IL19: variants seen among roughly 807,000 people sequenced by gnomAD.
The protein encoded by IL19 is interleukin-19.
Under a neutral mutation model 19.5 loss-of-function variants are expected in IL19, and 15 were observed. That is an observed-to-expected ratio of 0.77 (90% CI 0.52 to 1.19). The LOEUF (loss-of-function observed/expected upper bound fraction) is 1.19, where lower values mean the gene tolerates loss of function less well. IL19 is among the 50% of genes most tolerant of loss of function. The pLI is 0.00. For missense variants in IL19, 199 were observed against 213.1 expected (o/e 0.93, Z 0.41); for synonymous variants, 78 against 78.3 (o/e 1.00, Z 0.02).
intron 2 of IL19, among the ~76,000 whole-genome samples, chr1:206,834,967 A>G (rs916749946): frequency 2.6e-5 from 4 of 152,180 alleles, no homozygotes; most frequent in Non-Finnish European, 5.9e-5. Flanking sequence ...AGCCTACTTC[A>G]TAGGGTGGTT....
intron 1 of IL19, among the ~76,000 whole-genome samples, chr1:206,779,707 TG>T (rs2102446866): frequency 6.6e-6 from 1 of 152,314 alleles, no homozygotes; most frequent in East Asian, 1.9e-4. Context: ...CATATTCTAA[TG>T]TTTTCTATAA....
At position 206,772,256 on chromosome 1, in the gene IL19, A is replaced by G. The variant is rs373813224; in HGVS notation, c.-149+1178A>G. 9.9e-6 allele frequency: 16 copies of G among 1,611,634 alleles called. No homozygotes were observed. In the African/African-American group the frequency reaches 1.9e-4, roughly 19 times the overall value. ...TCCCAGGAAGAGAGAAAGGACAGGA[A>G]GGAATCATACTCACAAAGAAAGTCT... On this transcript the variant is annotated intron_variant, in intron 1 of 6. Transcript: ENST00000659997.
chr1:206,786,711 T>G (rs1323883706), intron 1 of IL19, among the ~76,000 whole-genome samples: 1 of 152,126 alleles, frequency 6.6e-6, no homozygotes, highest in African/African-American at 2.4e-5. Context: ...GGTGCGGGCC[T>G]GTGGAAATGG....
intron 2 of IL19, among the ~76,000 whole-genome samples, chr1:206,803,322 C>A (rs989180600): frequency 4.6e-5 from 7 of 151,984 alleles, no homozygotes; most frequent in Non-Finnish European, 1.0e-4. Context: ...CCTGGAGGCC[C>A]TGTGTAGGAG....
chr1:206,781,951 A>C, intron 1 of IL19, among the ~76,000 whole-genome samples: 1 of 85,560 alleles, frequency 1.2e-5, no homozygotes, highest in Non-Finnish European at 2.4e-5. Flanking sequence ...ATATAGTTAT[A>C]TATACATATA....
chr1:206,819,230 T>C (rs767632433), intron 2 of IL19, among the ~76,000 whole-genome samples: 32 of 152,198 alleles, frequency 2.1e-4, no homozygotes, highest in Non-Finnish European at 4.4e-4. Context: ...TAACCCACAC[T>C]GTTCAATATA....
At chr1:206,792,063 T>C (rs1675420758) in intron 1 of IL19, among the ~76,000 whole-genome samples, 1 of 152,232 alleles carries the variant, frequency 6.6e-6, no homozygotes, top group African/African-American at 2.4e-5. Flanking sequence ...TGCCCACTTC[T>C]CTGGAATTGC....
Position 206,798,879 on chromosome 1 carries a change from T to C in IL19, c.-130T>C. 1 of 1,586,738 alleles carries C rather than the reference T, an allele frequency of 6.3e-7. No individual in the cohort carries two copies. Among genetic ancestry groups the C allele is most frequent in the Non-Finnish European group, 8.6e-7 (1 of 1,157,236 alleles). ...TCCATAGAGCGGTGCTTGCACACAC[T>C]GACAGGAGTCCAAGAATGTGCACTG... On this transcript the variant is annotated 5_prime_UTR_variant, in exon 2 of 7. Transcript: ENST00000659997.
At chr1:206,821,553 C>T (rs892592045) in intron 2 of IL19, among the ~76,000 whole-genome samples, 3 of 152,222 alleles carry the variant, frequency 2.0e-5, no homozygotes, top group African/African-American at 7.2e-5. Flanking sequence ...TGGGAGGAAT[C>T]CTCTGGAAGA....
chr1:206,801,516 C>T (rs1325594547), intron 2 of IL19, among the ~76,000 whole-genome samples: 1 of 152,228 alleles, frequency 6.6e-6, no homozygotes, highest in Non-Finnish European at 1.5e-5. Context: ...TATCTCAGAC[C>T]TCTATGGCTC....
Position 206,842,859 on chromosome 1 carries a change from C to T in IL19, c.*237C>T. On this transcript the variant is annotated 3_prime_UTR_variant, in exon 7 of 7. Coordinates refer to ENST00000659997, the MANE Select transcript of IL19 (RefSeq NM_153758.5). ...AGGCCATCCTGGGAGTAAAGGGCTG[C>T]CTTCCCATCTAATTTATTGTAAAGT... 2.3e-6 allele frequency: 1 copy of T among 430,324 alleles called. No individual in the cohort carries two copies. Among genetic ancestry groups the T allele is most frequent in the Non-Finnish European group, 4.2e-6 (1 of 238,504 alleles). 26.7% of individuals were successfully genotyped at this position (430,324 alleles called of 1,614,324 possible). A position where few individuals can be genotyped will look rare whatever the true frequency, so the allele number is the denominator to read the frequency against.
At chr1:206,812,947 G>A (rs11119622) in intron 2 of IL19, among the ~76,000 whole-genome samples, 45,485 of 152,012 alleles carry the variant, frequency 0.3, 7,024 homozygotes, top group East Asian at 0.41. Context: ...TAATTCAAAC[G>A]GATACAATGA....
intron 1 of IL19, among the ~76,000 whole-genome samples, chr1:206,789,204 G>A (rs974872601): frequency 6.6e-6 from 1 of 152,228 alleles, no homozygotes; most frequent in Non-Finnish European, 1.5e-5. Context: ...TTATAGTACA[G>A]TACGAGAGAT....
chr1:206,805,828 A>C (rs1331208486), intron 2 of IL19, among the ~76,000 whole-genome samples: 1 of 152,268 alleles, frequency 6.6e-6, no homozygotes, highest in Non-Finnish European at 1.5e-5. Flanking sequence ...GAATGCGCTT[A>C]CTGTATTCAT....
intron 1 of IL19, among the ~76,000 whole-genome samples, chr1:206,773,880 C>A (rs944318559): frequency 6.6e-6 from 1 of 152,136 alleles, no homozygotes; most frequent in Non-Finnish European, 1.5e-5. Flanking sequence ...ATAGTCAGGG[C>A]AAATCACTCA....
At chr1:206,775,618 C>T (rs1026593828) in intron 1 of IL19, among the ~76,000 whole-genome samples, 3 of 152,160 alleles carry the variant, frequency 2.0e-5, no homozygotes, top group African/African-American at 4.8e-5. Context: ...GACCCTGTGT[C>T]CTTATATTGA....
intron 1 of IL19, among the ~76,000 whole-genome samples, chr1:206,773,464 A>G (rs1317351999): frequency 6.6e-6 from 1 of 152,206 alleles, no homozygotes; most frequent in East Asian, 1.9e-4. Flanking sequence ...GGGTGGAAGA[A>G]GTTGAAATAA....
intron 2 of IL19, among the ~76,000 whole-genome samples, chr1:206,825,790 T>C (rs1676423017): frequency 1.3e-5 from 2 of 152,232 alleles, no homozygotes; most frequent in Admixed American, 6.5e-5. Flanking sequence ...ACCAAAGAAC[T>C]GCACGATTGT....
intron 6 of IL19, among the ~76,000 whole-genome samples, chr1:206,841,772 C>A (rs1677026371): frequency 6.6e-6 from 1 of 152,160 alleles, no homozygotes; most frequent in African/African-American, 2.4e-5. Flanking sequence ...TTACTATAAG[C>A]CAGGTATTGC....
Sources: allele counts gnomAD v4.1 joint callset (sites outside exome capture counted in the v4.1 genomes callset), GRCh38; gene constraint gnomAD v4.1.1; transcripts MANE v1.5; gene names NCBI Gene and HGNC (gene_info 2026-07-23, HGNC 2026-07-21).